ZFPM1: variants seen among roughly 807,000 people sequenced by gnomAD.
ZFPM1 encodes zinc finger protein, FOG family member 1.
A neutral mutation model predicts 46.3 loss-of-function variants in ZFPM1; 28 were observed. The ratio of observed to expected loss-of-function variants is 0.60; its 90% CI spans 0.45 to 0.83. The LOEUF is 0.83. Among genes scored for constraint, ZFPM1 ranks in the 40% least tolerant of loss-of-function variants. ZFPM1 has a pLI of 0.00. For missense variants in ZFPM1, 1,878 were observed against 1,432.4 expected, an observed-to-expected ratio of 1.31 and a Z score of -5.02; for synonymous variants, 957 against 675.9, an observed-to-expected ratio of 1.42 and a Z score of -6.45.
At chr16:88,482,476 C>T (rs973422893) in intron 1 of ZFPM1, among the ~76,000 whole-genome samples, 2 of 152,206 alleles carry the variant, frequency 1.3e-5, no homozygotes, top group Admixed American at 6.5e-5. Flanking sequence ...CGCTCATCAC[C>T]ACGGCTTTGT....
chr16:88,462,770 C>G, intron 1 of ZFPM1, among the ~76,000 whole-genome samples: 1 of 152,206 alleles, frequency 6.6e-6, no homozygotes, highest in East Asian at 1.9e-4. Context: ...CGTAAGGCAC[C>G]AGGCTGGGCT....
At chr16:88,519,549 AGGATGGATGGAT>A (rs373170487) in intron 4 of ZFPM1, among the ~76,000 whole-genome samples, 3 of 109,666 alleles carry the variant, frequency 2.7e-5, no homozygotes, top group South Asian at 6.9e-4. Context: ...GGTGGCTGAA[AGGATGGATGGAT>A]GGATGGATGG....
At chr16:88,488,995 C>G in intron 2 of ZFPM1, 36 bp from the exon 3 acceptor site, 2 of 1,597,020 alleles carry the variant, frequency 1.3e-6, no homozygotes, top group East Asian at 2.3e-5. Flanking sequence ...GTGCCCGGCA[C>G]TCAGCAGGGA....
chr16:88,534,802 G>C lies in ZFPM1; in HGVS notation c.2844G>C (p.Ala948=). The part of the protein sequence containing the change: ...AAPEAVPPPP[A]PPSYSDKGVQ... ...CCGAGGCCGTGCCGCCCCCGCCGGC[G>C]CCCCCCTCCTACTCGGACAAGGGCG... The change falls in exon 10 of 10, where the codon GCG becomes GCC. Residue 948 remains alanine, a synonymous_variant. Transcript: ENST00000319555. 7.2e-7 allele frequency: 1 copy of C among 1,385,888 alleles called. No individual in the cohort carries two copies. Among genetic ancestry groups the C allele is most frequent in the Non-Finnish European group, 9.4e-7 (1 of 1,064,666 alleles). The allele number at this position is 1,385,888 out of a possible 1,614,324, so 85.8% of individuals were successfully genotyped here. A position where few individuals can be genotyped will look rare whatever the true frequency, so the allele number is the denominator to read the frequency against.
At chr16:88,473,715 G>C (rs981119958) in intron 1 of ZFPM1, among the ~76,000 whole-genome samples, 2 of 152,112 alleles carry the variant, frequency 1.3e-5, no homozygotes, top group South Asian at 2.1e-4. Flanking sequence ...CCAGATTCTC[G>C]GGGCCGTGCT....
intron 1 of ZFPM1, among the ~76,000 whole-genome samples, chr16:88,473,847 C>T (rs1403628013): frequency 1.3e-5 from 2 of 152,180 alleles, no homozygotes; most frequent in African/African-American, 2.4e-5. Context: ...GGTCCTTGCC[C>T]GCCACGGCCC....
intron 3 of ZFPM1, among the ~76,000 whole-genome samples, chr16:88,505,061 C>T (rs1567543052): frequency 6.6e-6 from 1 of 152,372 alleles, no homozygotes; most frequent in East Asian, 1.9e-4. Context: ...TCAATAATTG[C>T]AGCGATGTTC....
chr16:88,489,208 G>T, intron 3 of ZFPM1, 55 bp downstream of exon 3: 1 of 1,532,926 alleles, frequency 6.5e-7, no homozygotes, highest in East Asian at 2.5e-5. Flanking sequence ...GCCTGGCCCG[G>T]CCCCTGGGAG....
chr16:88,495,015 A>G (rs1225914588), intron 3 of ZFPM1, among the ~76,000 whole-genome samples: 2 of 152,156 alleles, frequency 1.3e-5, no homozygotes, highest in Non-Finnish European at 2.9e-5. Flanking sequence ...ATAATCTATA[A>G]TCCCTGCACG....
intron 4 of ZFPM1, among the ~76,000 whole-genome samples, chr16:88,525,479 G>A (rs1244175118): frequency 6.6e-6 from 1 of 152,382 alleles, no homozygotes; most frequent in African/African-American, 2.4e-5. Context: ...GGTGCAGGAA[G>A]TTTCTGATTA....
At chr16:88,477,127 A>G (rs563776558) in intron 1 of ZFPM1, among the ~76,000 whole-genome samples, 1 of 152,242 alleles carries the variant, frequency 6.6e-6, no homozygotes. Context: ...GGAAATTGGA[A>G]CATGGACATA....
chr16:88,516,991 C>A (rs78427012), intron 4 of ZFPM1, among the ~76,000 whole-genome samples: 1 of 152,170 alleles, frequency 6.6e-6, no homozygotes, highest in African/African-American at 2.4e-5. Flanking sequence ...GAGTCAGGAG[C>A]GTGGACTCTG....
At position 88,533,766 on chromosome 16, in the gene ZFPM1, G is replaced by A. The variant is rs868224120; in HGVS notation, c.1808G>A (p.Arg603His). Residue 603 changes from arginine (R) to histidine (H), a missense_variant, in exon 10 of 10, where the codon CGC becomes CAC. By Grantham distance (29) the Arg-to-His change is conservative. Transcript: ENST00000319555. ...YVHKRLYCSG[R>H]RAPEDAPAAR... ...CACAAGCGCCTCTACTGTTCAGGCC[G>A]CCGTGCGCCCGAGGACGCGCCTGCC... 8.4e-6 allele frequency: 12 copies of A among 1,426,772 alleles called. No homozygotes were observed. Among genetic ancestry groups the A allele is most frequent in the Non-Finnish European group, 8.3e-6 (9 of 1,081,120 alleles). 88.4% of individuals were successfully genotyped at this position (1,426,772 alleles called of 1,614,324 possible).
intron 1 of ZFPM1, among the ~76,000 whole-genome samples, chr16:88,473,494 G>T (rs1426010658): frequency 6.6e-6 from 1 of 152,186 alleles, no homozygotes; most frequent in African/African-American, 2.4e-5. Flanking sequence ...GCTAGGGAGG[G>T]CCATGACGGC....
intron 4 of ZFPM1, among the ~76,000 whole-genome samples, chr16:88,517,387 G>T (rs934370639): frequency 1.3e-5 from 2 of 150,662 alleles, no homozygotes; most frequent in African/African-American, 4.9e-5. Flanking sequence ...TGGGTGGATG[G>T]GTGGATGCAT....
chr16:88,509,112 G>A (rs1003315565), intron 3 of ZFPM1, among the ~76,000 whole-genome samples: 3 of 152,186 alleles, frequency 2.0e-5, no homozygotes, highest in Admixed American at 1.3e-4. Context: ...GTGTTCTCGG[G>A]GCCCACGTGG....
At chr16:88,477,009 G>A (rs562208879) in intron 1 of ZFPM1, among the ~76,000 whole-genome samples, 14 of 152,390 alleles carry the variant, frequency 9.2e-5, no homozygotes, top group South Asian at 4.1e-4. Context: ...ACGCCCGTGC[G>A]CCGGGTCCCT....
At chr16:88,526,691 A>G (rs1473578239) in intron 4 of ZFPM1, 123 bp from the exon 5 acceptor site, 1 of 1,055,728 alleles carries the variant, frequency 9.5e-7, no homozygotes, top group African/African-American at 1.5e-5. Context: ...GACTGTCCAC[A>G]GCTTGGCCTA....
chr16:88,500,656 G>C (rs1029565149), intron 3 of ZFPM1, among the ~76,000 whole-genome samples: 1 of 152,240 alleles, frequency 6.6e-6, no homozygotes, highest in Non-Finnish European at 1.5e-5. Flanking sequence ...CACAACGGCA[G>C]ACTCAGCTTC....
Sources: allele counts gnomAD v4.1 joint callset (sites outside exome capture counted in the v4.1 genomes callset), GRCh38; gene constraint gnomAD v4.1.1; transcripts MANE v1.5; gene names NCBI Gene and HGNC (gene_info 2026-07-23, HGNC 2026-07-21).